The following EXOC6 variants were observed in gnomAD, a reference collection of about 807,000 sequenced individuals.
The protein encoded by EXOC6 is SEC15-like 1.
EXOC6 carries 60 observed loss-of-function variants against 112.5 expected under a neutral mutation model. The observed-to-expected ratio is 0.53, with a 90% CI of 0.43 to 0.66. EXOC6 has a LOEUF of 0.66. Among genes scored for constraint, EXOC6 ranks in the 30% least tolerant of loss-of-function variants. The pLI is 0.00. For missense variants in EXOC6, 855 were observed against 957.1 expected (o/e 0.89, Z 1.41); for synonymous variants, 295 against 308.0 (o/e 0.96, Z 0.44).
chr10:92,975,929 GC>G (rs1179230933), intron 18 of EXOC6, among the ~76,000 whole-genome samples: 1 of 133,836 alleles, frequency 7.5e-6, no homozygotes, highest in African/African-American at 2.9e-5. Context: ...GGGGGGGTCA[GC>G]CCCCCGCCCG....
chr10:92,921,650 C>CTT (rs555576702), intron 8 of EXOC6, among the ~76,000 whole-genome samples: 2 of 138,842 alleles, frequency 1.4e-5, no homozygotes, highest in Admixed American at 7.3e-5. Context: ...TTCTTTCTTT[C>CTT]TTTTTTTTTT....
At chr10:92,885,337 A>G (rs1289035977) in intron 1 of EXOC6, among the ~76,000 whole-genome samples, 1 of 151,914 alleles carries the variant, frequency 6.6e-6, no homozygotes, top group Non-Finnish European at 1.5e-5. Flanking sequence ...TTAGTGTGGC[A>G]TAAGCCATAT....
chr10:93,055,182 A>G (rs1185921927), intron 20 of EXOC6, among the ~76,000 whole-genome samples: 1 of 152,152 alleles, frequency 6.6e-6, no homozygotes, highest in African/African-American at 2.4e-5. Flanking sequence ...ATTTTCTTCC[A>G]GTCTTTTTGG....
At chr10:92,868,202 G>A (rs2133709004) in intron 1 of EXOC6, among the ~76,000 whole-genome samples, 1 of 152,220 alleles carries the variant, frequency 6.6e-6, no homozygotes, top group Non-Finnish European at 1.5e-5. Flanking sequence ...CTTGTATGGT[G>A]TTTTTTAATG....
At chr10:93,041,263 T>C (rs186150629) in intron 20 of EXOC6, among the ~76,000 whole-genome samples, 40 of 152,328 alleles carry the variant, frequency 2.6e-4, no homozygotes, top group African/African-American at 9.1e-4. Flanking sequence ...ATCCCAACTA[T>C]GTACCTGTCT....
chr10:92,978,417 AC>A (rs1842713292), intron 18 of EXOC6, among the ~76,000 whole-genome samples: 3 of 152,252 alleles, frequency 2.0e-5, no homozygotes, highest in Middle Eastern at 3.4e-3. Flanking sequence ...TCAAAAAAAA[AC>A]AAAAGAGAAA....
intron 20 of EXOC6, among the ~76,000 whole-genome samples, chr10:93,053,212 C>A (rs1341896678): frequency 1.3e-5 from 2 of 152,098 alleles, no homozygotes; most frequent in East Asian, 1.9e-4. Flanking sequence ...CAATCATGTT[C>A]TTTTAAAGTC....
chr10:92,882,992 T>G (rs1191960057), intron 1 of EXOC6, among the ~76,000 whole-genome samples: 1 of 152,250 alleles, frequency 6.6e-6, no homozygotes, highest in Non-Finnish European at 1.5e-5. Context: ...AGAAAACTGC[T>G]GATAACTTTA....
At chr10:92,956,143 A>G (rs574800610) in intron 17 of EXOC6, among the ~76,000 whole-genome samples, 16 of 152,230 alleles carry the variant, frequency 1.1e-4, no homozygotes, top group African/African-American at 3.8e-4. Flanking sequence ...TTGAAGTCCT[A>G]CCTCTTTTGC....
chr10:92,936,559 C>T (rs959478647), intron 12 of EXOC6, among the ~76,000 whole-genome samples: 10 of 152,212 alleles, frequency 6.6e-5, no homozygotes, highest in African/African-American at 1.9e-4. Flanking sequence ...CGCGCCACTG[C>T]GCTCCCCTGG....
intron 17 of EXOC6, among the ~76,000 whole-genome samples, chr10:92,972,799 C>A (rs936542804): frequency 2.2e-4 from 33 of 152,120 alleles, no homozygotes; most frequent in African/African-American, 7.5e-4. Context: ...CTGTCACTAC[C>A]CTGTTTTATT....
At chr10:92,979,330 G>A (rs913048975) in intron 18 of EXOC6, among the ~76,000 whole-genome samples, 1 of 152,150 alleles carries the variant, frequency 6.6e-6, no homozygotes, top group Admixed American at 6.6e-5. Context: ...TGGCTAATCA[G>A]AATATTTTCT....
chr10:92,889,136 T>G (rs1849370668), intron 1 of EXOC6, among the ~76,000 whole-genome samples: 1 of 152,222 alleles, frequency 6.6e-6, no homozygotes, highest in African/African-American at 2.4e-5. Flanking sequence ...TATCTAGTAC[T>G]CAGTTGTTCA....
At chr10:92,841,654 T>C (rs1013167426) in intron 1 of EXOC6, among the ~76,000 whole-genome samples, 5 of 152,218 alleles carry the variant, frequency 3.3e-5, no homozygotes, top group Admixed American at 6.5e-5. Context: ...AGCTATGTGA[T>C]GTTTATTGCA....
At chr10:93,016,224 C>A (rs1392456875) in intron 20 of EXOC6, among the ~76,000 whole-genome samples, 1 of 152,128 alleles carries the variant, frequency 6.6e-6, no homozygotes, top group Non-Finnish European at 1.5e-5. Context: ...AGCTCTGCCT[C>A]CAGGGTTCAA....
intron 1 of EXOC6, among the ~76,000 whole-genome samples, chr10:92,886,704 C>G (rs1445667695): frequency 1.3e-5 from 2 of 152,212 alleles, no homozygotes; most frequent in Non-Finnish European, 2.9e-5. Flanking sequence ...GTGATGCTAA[C>G]AGAATCCATG....
At position 92,955,631 on chromosome 10, in the gene EXOC6, C is replaced by T. The variant is rs754436744; in HGVS notation, c.1690C>T (p.Leu564Phe). The T allele has an allele frequency of 5.0e-6, 8 of 1,611,250 alleles. No individual in the cohort carries two copies. The Admixed American group carries it at 1.3e-4, about 27-fold the overall frequency. Reference protein sequence around the residue: ...TTHLEQACKYLEDFITNITNI... With the variant: ...TTHLEQACKYFEDFITNITNI... ...ACACCTGGAGCAAGCTTGTAAATATCTTGAGGACTTTATAACTAACATTAC... is the reference window on the plus strand; with the variant it reads ...ACACCTGGAGCAAGCTTGTAAATATTTTGAGGACTTTATAACTAACATTAC... Residue 564 changes from leucine (L) to phenylalanine (F), a missense_variant, in exon 17 of 22, where the codon CTT becomes TTT. Physicochemically the swap from Leu to Phe is conservative, Grantham distance 22 (BLOSUM62 0). Coordinates refer to ENST00000260762, the MANE Select transcript of EXOC6 (RefSeq NM_019053.6).
intron 8 of EXOC6, among the ~76,000 whole-genome samples, chr10:92,927,782 T>C (rs554735198): frequency 3.3e-5 from 5 of 152,264 alleles, no homozygotes; most frequent in African/African-American, 1.2e-4. Context: ...GAAAGCTTTC[T>C]CAAGGAAGTG....
intron 19 of EXOC6, among the ~76,000 whole-genome samples, chr10:93,000,696 C>A (rs1564900036): frequency 6.6e-6 from 1 of 152,172 alleles, no homozygotes; most frequent in African/African-American, 2.4e-5. Flanking sequence ...TTACCTTAAT[C>A]ATTACTTCTG....
Sources: allele counts gnomAD v4.1 joint callset (sites outside exome capture counted in the v4.1 genomes callset), GRCh38; gene constraint gnomAD v4.1.1; transcripts MANE v1.5; gene names NCBI Gene and HGNC (gene_info 2026-07-23, HGNC 2026-07-21).